CREB3L2: variants seen among roughly 807,000 people sequenced by gnomAD.
CREB3L2 encodes cyclic AMP-responsive element-binding protein 3-like protein 2.
CREB3L2 carries 23 observed loss-of-function variants against 57.2 expected under a neutral mutation model. The ratio of observed to expected loss-of-function variants is 0.40; its 90% confidence interval spans 0.29 to 0.57. The LOEUF (loss-of-function observed/expected upper bound fraction) is 0.57, where lower values mean the gene tolerates loss of function less well. Among genes scored for constraint, CREB3L2 ranks in the 20% least tolerant of loss-of-function variants. The pLI is 0.42. For missense variants in CREB3L2, 628 were observed against 634.7 expected, an observed-to-expected ratio of 0.99 and a Z score of 0.11; for synonymous variants, 268 against 265.1, an observed-to-expected ratio of 1.01 and a Z score of -0.11.
At chr7:137,978,681 T>C (rs563377732) in intron 1 of CREB3L2, among the ~76,000 whole-genome samples, 1 of 152,310 alleles carries the variant, frequency 6.6e-6, no homozygotes, top group Admixed American at 6.5e-5. Context: ...CTCAGTGTGC[T>C]GTCATTCCCC....
intron 1 of CREB3L2, among the ~76,000 whole-genome samples, chr7:137,988,477 T>C (rs1445529666): frequency 1.3e-5 from 2 of 152,234 alleles, no homozygotes; most frequent in African/African-American, 4.8e-5. Flanking sequence ...AATTAGGGCT[T>C]GTTTCTATGT....
In CREB3L2 at chr7:137,946,924, TTATATATATAGTTATATATATAGTTATA is replaced by T. The variant is rs1801003573; in HGVS notation, c.103-18586_103-18559del. On this transcript the variant is annotated intron_variant, in intron 1 of 11. Transcript: ENST00000330387. ...GTTATATATATAGTTATATATATAG[TTATATATATAGTTATATATATAGTTATA>T]TATATATAGTTATATATATAGTTAT... Among the ~76,000 whole-genome samples the T allele has an allele frequency of 1.9e-4, 4 of 20,584 alleles. 1 individual carries two copies. The highest frequency in any genetic ancestry group is 6.5e-4 in the Admixed American group (1 of 1,546). 13.5% of individuals were successfully genotyped at this position (20,584 alleles called of 152,430 possible). A position where few individuals can be genotyped will look rare whatever the true frequency, so the allele number is the denominator to read the frequency against.
At position 137,995,539 on chromosome 7, in the gene CREB3L2, C is replaced by T. The variant is rs186295611; in HGVS notation, c.102+6065G>A. Among the ~76,000 whole-genome samples, 109 of 151,966 alleles carry T rather than the reference C, an allele frequency of 7.2e-4. 1 individual carries two copies. The highest frequency in any genetic ancestry group is 2.5e-3 in the African/African-American group (103 of 41,444). On this transcript the variant is annotated intron_variant, in intron 1 of 11. Coordinates refer to ENST00000330387, the MANE Select transcript of CREB3L2 (RefSeq NM_194071.4). Reference sequence around the variant, plus strand: ...TAGTAGAGACAGGGTTTCACCATCTCGGCCAGGCTGCTCTTGAACTCCTGA... The same window carrying T: ...TAGTAGAGACAGGGTTTCACCATCTTGGCCAGGCTGCTCTTGAACTCCTGA...
intron 1 of CREB3L2, among the ~76,000 whole-genome samples, chr7:137,962,204 G>A (rs1217451190): frequency 2.6e-5 from 4 of 152,140 alleles, no homozygotes; most frequent in Non-Finnish European, 5.9e-5. Context: ...TTGCTTGGGC[G>A]ACTTGAATTC....
rs774203532 is a variant in CREB3L2 at position 137,882,404 on chromosome 7, T to A, written c.1487+8A>T. The stretch of plus-strand genomic sequence containing the variant: ...TAGAGGAGTTGGCTCTGTGTCTCTA[T>A]GACTCACAGGTGCTGCTGCAGCTCC... On this transcript the variant is annotated splice_region_variant and intron_variant, in intron 11 of 11. Transcript: ENST00000330387. 3 of 1,603,560 alleles carry A rather than the reference T, an allele frequency of 1.9e-6. No individual in the cohort carries two copies. In the African/African-American group the frequency reaches 4.0e-5, roughly 21 times the overall value.
chr7:137,978,585 G>GTCATA (rs1340088093), intron 1 of CREB3L2, among the ~76,000 whole-genome samples: 60 of 152,316 alleles, frequency 3.9e-4, no homozygotes, highest in Non-Finnish European at 7.4e-5. Flanking sequence ...AGGAAGTCAT[G>GTCATA]TCATATCGTT....
chr7:137,978,779 G>A (rs1358826105), intron 1 of CREB3L2, among the ~76,000 whole-genome samples: 1 of 152,148 alleles, frequency 6.6e-6, no homozygotes, highest in Admixed American at 6.5e-5. Flanking sequence ...CAAAGTTTGT[G>A]TTCTTCCAAC....
rs1802066292 is a variant in CREB3L2 at position 138,001,121 on chromosome 7, A to ACACG, written c.102+482_102+483insCGTG. On this transcript the variant is annotated intron_variant, in intron 1 of 11. Transcript: ENST00000330387. This position sits in a 1 kb window ranked among gnomAD's most constrained non-coding sequence, Gnocchi z 4.2. ...CACACACACACACACACACACACAC[A>ACACG]CACACGTGTACTTTTTAAAATATAA... Among the ~76,000 whole-genome samples the ACACG allele has an allele frequency of 6.8e-6, 1 of 147,858 alleles. No individual in the cohort carries two copies. The highest frequency in any genetic ancestry group is 1.5e-5 in the Non-Finnish European group (1 of 67,690).
rs1256893544 is a variant in CREB3L2, at chr7:137,980,657, A to G, written c.102+20947T>C. Among the ~76,000 whole-genome samples the G allele has an allele frequency of 6.6e-6, 1 of 152,204 alleles. No homozygotes were observed. The highest frequency in any genetic ancestry group is 1.5e-5 in the Non-Finnish European group (1 of 68,040). ...CCAGTGGCCCAGGCTCCTAAAATAC[A>G]TGACATGGGATTTCTCCATACAGGC... On this transcript the variant is annotated intron_variant, in intron 1 of 11. Transcript: ENST00000330387. The surrounding 1 kb of genome is among the most constrained non-coding windows in gnomAD (Gnocchi z 4.3).
chr7:137,913,269 G>C (rs555637668), intron 3 of CREB3L2, among the ~76,000 whole-genome samples, 191 bp from the exon 4 acceptor site: 168 of 152,172 alleles, frequency 1.1e-3, no homozygotes, highest in African/African-American at 3.9e-3. Context: ...TGCCAAACTT[G>C]GCATTACAGC....
intron 5 of CREB3L2, among the ~76,000 whole-genome samples, chr7:137,907,329 G>A (rs1469310691): frequency 6.6e-6 from 1 of 152,174 alleles, no homozygotes; most frequent in Non-Finnish European, 1.5e-5. Context: ...TAAACATGTA[G>A]AATGGACAGA....
At chr7:137,922,475 C>T (rs273948) in intron 2 of CREB3L2, 6,347 of 131,974 alleles carry the variant, frequency 0.048, 309 homozygotes, top group African/African-American at 0.062. Flanking sequence ...TATATACACA[C>T]ATATATATAT....
At chr7:137,941,038 C>T (rs953768880) in intron 1 of CREB3L2, among the ~76,000 whole-genome samples, 1 of 152,244 alleles carries the variant, frequency 6.6e-6, no homozygotes, top group Admixed American at 6.5e-5. Flanking sequence ...TGAGACCTCA[C>T]ATGTATGCCC....
intron 2 of CREB3L2, among the ~76,000 whole-genome samples, chr7:137,922,370 C>CTATATATATATATGTATGTATATATATA (rs1800301997): frequency 6.9e-5 from 7 of 100,762 alleles, no homozygotes. Context: ...TTCTGGTTTA[C>CTATATATATATATGTATGTATATATATA]TATATATATA....
At chr7:138,000,930 C>T (rs1332688929) in intron 1 of CREB3L2, among the ~76,000 whole-genome samples, 2 of 152,106 alleles carry the variant, frequency 1.3e-5, no homozygotes, top group Non-Finnish European at 2.9e-5. Flanking sequence ...TCCCACCTTC[C>T]CCAGAGCCTT....
chr7:137,942,487 C>G (rs746456449), intron 1 of CREB3L2, among the ~76,000 whole-genome samples: 2 of 152,170 alleles, frequency 1.3e-5, no homozygotes, highest in Admixed American at 6.5e-5. Flanking sequence ...GTTCAGTGTA[C>G]CTTAGCTTCA....
Position 137,980,048 on chromosome 7 carries a change from G to A in CREB3L2, c.102+21556C>T. Among the ~76,000 whole-genome samples, 1 of 152,200 alleles carries A rather than the reference G, an allele frequency of 6.6e-6. No homozygotes were observed. The highest frequency in any genetic ancestry group is 1.9e-4 in the East Asian group (1 of 5,192). On this transcript the variant is annotated intron_variant, in intron 1 of 11. Transcript: ENST00000330387. This position sits in a 1 kb window ranked among gnomAD's most constrained non-coding sequence, Gnocchi z 4.3. The stretch of plus-strand genomic sequence containing the variant: ...AGCCAGCAGTTCTCAAATTTTACAT[G>A]CACATGGATCATCTGGGGATCTTCA...
At chr7:137,959,372 C>T (rs1801278138) in intron 1 of CREB3L2, among the ~76,000 whole-genome samples, 1 of 152,154 alleles carries the variant, frequency 6.6e-6, no homozygotes, top group Non-Finnish European at 1.5e-5. Context: ...CCATATTCCC[C>T]ACCATTCCCT....
intron 1 of CREB3L2, among the ~76,000 whole-genome samples, chr7:137,954,759 A>T (rs1034799070): frequency 6.6e-6 from 1 of 152,188 alleles, no homozygotes; most frequent in South Asian, 2.1e-4. Context: ...TGGAGGCTAG[A>T]AAGTAGGAAG....
Sources: gnomAD v4.1 joint callset for allele counts (sites outside exome capture counted in the v4.1 genomes callset) on GRCh38, gnomAD v4.1.1 for gene constraint, Gnocchi (gnomAD v3.1) non-coding constraint, MANE v1.5 for transcripts, NCBI Gene and HGNC (gene_info 2026-07-23, HGNC 2026-07-21) for gene names.